RBMS1: variants seen among roughly 807,000 people sequenced by gnomAD.
The protein encoded by RBMS1 is RNA binding motif single stranded interacting protein 1.
RBMS1 carries 17 observed loss-of-function variants against 62.3 expected under a neutral mutation model. The observed-to-expected ratio is 0.27, with a 90% CI of 0.19 to 0.41. The LOEUF is 0.41. Ranked by LOEUF, RBMS1 falls within the 10% of genes least tolerant of loss-of-function variation. RBMS1 has a pLI of 1.00. For synonymous variants in RBMS1, 172 were observed against 170.0 expected (o/e 1.01, Z -0.09); for missense variants, 334 against 504.5 (o/e 0.66, Z 3.24).
At chr2:160,295,842 GATCTT>G (rs1320068802) in intron 6 of RBMS1, among the ~76,000 whole-genome samples, 2 of 152,346 alleles carry the variant, frequency 1.3e-5, no homozygotes, top group East Asian at 1.9e-4. Context: ...CAACAGGGAA[GATCTT>G]ATCTTAGACT....
intron 1 of RBMS1, among the ~76,000 whole-genome samples, chr2:160,436,774 A>G (rs1306793501): frequency 6.6e-6 from 1 of 152,152 alleles, no homozygotes; most frequent in Non-Finnish European, 1.5e-5. Flanking sequence ...GCCCACCCAG[A>G]CAGAAAGCTC....
intron 1 of RBMS1, among the ~76,000 whole-genome samples, chr2:160,432,101 TG>T (rs1251513123): frequency 6.6e-6 from 1 of 152,208 alleles, no homozygotes; most frequent in African/African-American, 2.4e-5. Flanking sequence ...AATTTAAAAA[TG>T]TATGTCTACA....
chr2:160,341,193 T>C (rs1323058753), intron 2 of RBMS1, among the ~76,000 whole-genome samples: 2 of 152,284 alleles, frequency 1.3e-5, no homozygotes, highest in East Asian at 1.9e-4. Context: ...TTTTTTCATG[T>C]CATTAAATAT....
chr2:160,482,689 T>C (rs1161213768), intron 1 of RBMS1, among the ~76,000 whole-genome samples: 1 of 152,226 alleles, frequency 6.6e-6, no homozygotes, highest in African/African-American at 2.4e-5. Context: ...AATATCTGGC[T>C]TCTTTTTCCC....
intron 2 of RBMS1, among the ~76,000 whole-genome samples, chr2:160,330,608 A>C (rs1346750158): frequency 1.3e-5 from 2 of 150,046 alleles, no homozygotes; most frequent in African/African-American, 4.9e-5. Context: ...GCTTGTTCAC[A>C]TGAAAATATG....
At chr2:160,341,029 A>G (rs1691840018) in intron 2 of RBMS1, among the ~76,000 whole-genome samples, 2 of 152,174 alleles carry the variant, frequency 1.3e-5, no homozygotes. Flanking sequence ...ATATTATAAA[A>G]TTGGTCTTGA....
At chr2:160,476,148 AC>A (rs1315722462) in intron 1 of RBMS1, among the ~76,000 whole-genome samples, 1 of 151,988 alleles carries the variant, frequency 6.6e-6, no homozygotes, top group Non-Finnish European at 1.5e-5. Flanking sequence ...ATGAGCCACC[AC>A]ACCTGTCCAC....
intron 1 of RBMS1, among the ~76,000 whole-genome samples, chr2:160,492,384 G>A (rs114504654): frequency 6.6e-6 from 1 of 152,194 alleles, no homozygotes; most frequent in Non-Finnish European, 1.5e-5. Flanking sequence ...CACTAACAAA[G>A]TACCCAGGGT....
chr2:160,297,221 G>A (rs1481098837), intron 6 of RBMS1, among the ~76,000 whole-genome samples: 1 of 152,200 alleles, frequency 6.6e-6, no homozygotes, highest in African/African-American at 2.4e-5. Context: ...GGAGGAGGGT[G>A]TATGTGGCTT....
rs928343756 is a variant in RBMS1, at chr2:160,304,457, T to C, written c.403-970A>G. Among the ~76,000 whole-genome samples, 2 of 152,224 alleles carry C rather than the reference T, an allele frequency of 1.3e-5. 1 individual carries two copies. Among genetic ancestry groups the C allele is most frequent in the Admixed American group, 1.3e-4 (2 of 15,288 alleles). On this transcript the variant is annotated intron_variant, in intron 4 of 13. Coordinates refer to ENST00000348849, the MANE Select transcript of RBMS1 (RefSeq NM_016836.4). ...TAATACCAGTAAGTAACACCGACAC[T>C]CCAGGAAGATAAGCCATGCTTATCT...
intron 1 of RBMS1, among the ~76,000 whole-genome samples, chr2:160,487,313 G>A (rs1685638001): frequency 6.6e-6 from 1 of 152,192 alleles, no homozygotes; most frequent in South Asian, 2.1e-4. Flanking sequence ...TGCCTTCTCA[G>A]TCACTAAAAC....
Position 160,311,210 on chromosome 2 carries a change from A to ATCTCTCTCTC in RBMS1, c.402+1945_402+1946insGAGAGAGAGA, listed in dbSNP as rs1361792296. Among the ~76,000 whole-genome samples, 83 of 56,602 alleles carry ATCTCTCTCTC rather than the reference A, an allele frequency of 1.5e-3. 2 individuals are homozygous for ATCTCTCTCTC. The highest frequency in any genetic ancestry group is 0.011 in the East Asian group (31 of 2,786). The allele number at this position is 56,602 out of a possible 152,430, so 37.1% of individuals were successfully genotyped here. On this transcript the variant is annotated intron_variant, in intron 4 of 13. Coordinates refer to ENST00000348849, the MANE Select transcript of RBMS1 (RefSeq NM_016836.4). ...ACCCTGTCTCCAAAAAAAAAAAAAA[A>ATCTCTCTCTC]TCTATCTATCTATCTATCTATCTAT...
intron 2 of RBMS1, among the ~76,000 whole-genome samples, chr2:160,360,684 T>C (rs755951112): frequency 2.6e-5 from 4 of 152,184 alleles, no homozygotes; most frequent in Admixed American, 6.5e-5. Context: ...GAGGATACTA[T>C]TGCTTTCACC....
chr2:160,319,561 T>C (rs1206694102), intron 2 of RBMS1, among the ~76,000 whole-genome samples: 2 of 152,214 alleles, frequency 1.3e-5, no homozygotes, highest in African/African-American at 4.8e-5. Context: ...GGGAAATGCA[T>C]TTAACTTACT....
intron 1 of RBMS1, among the ~76,000 whole-genome samples, chr2:160,474,847 T>C (rs1031349996): frequency 4.6e-5 from 7 of 152,166 alleles, no homozygotes; most frequent in Non-Finnish European, 8.8e-5. Flanking sequence ...AGAAAACAAA[T>C]ATCCATTAAC....
rs1214953793 is a variant in RBMS1 at position 160,375,908 on chromosome 2, AAAAG to A, written c.76-8521_76-8518del. ...CTCAAAATAAATGGAAAAAAAAAAA[AAAAG>A]AAAGAAAACTTCCTAGGGGAAGTGA... On this transcript the variant is annotated intron_variant, in intron 1 of 13. Coordinates refer to ENST00000348849, the MANE Select transcript of RBMS1 (RefSeq NM_016836.4). Among the ~76,000 whole-genome samples, 3 of 151,950 alleles carry A rather than the reference AAAAG, an allele frequency of 2.0e-5. No homozygotes were observed. In the East Asian group the frequency reaches 5.8e-4, roughly 29 times the overall value.
intron 1 of RBMS1, among the ~76,000 whole-genome samples, chr2:160,455,378 A>AG (rs1193078588): frequency 6.6e-6 from 1 of 152,230 alleles, no homozygotes; most frequent in African/African-American, 2.4e-5. Flanking sequence ...ATCATTTTTT[A>AG]GAATGTGCTT....
At chr2:160,308,887 T>G (rs1183903093) in intron 4 of RBMS1, among the ~76,000 whole-genome samples, 1 of 152,214 alleles carries the variant, frequency 6.6e-6, no homozygotes, top group African/African-American at 2.4e-5. Context: ...TGTAAAGGCT[T>G]CTTCAAAACA....
At chr2:160,420,348 C>T (rs971914215) in intron 1 of RBMS1, among the ~76,000 whole-genome samples, 5 of 152,184 alleles carry the variant, frequency 3.3e-5, no homozygotes, top group Non-Finnish European at 5.9e-5. Flanking sequence ...AAACCACACT[C>T]ATCCCTCCGT....
Sources: gnomAD v4.1 joint callset for allele counts (sites outside exome capture counted in the v4.1 genomes callset) on GRCh38, gnomAD v4.1.1 for gene constraint, MANE v1.5 for transcripts, NCBI Gene and HGNC (gene_info 2026-07-23, HGNC 2026-07-21) for gene names.